The following ANGPT2 variants were observed in gnomAD, a reference collection of about 807,000 sequenced individuals.
ANGPT2 encodes angiopoietin 2, also known as angiopoietin-2.
ANGPT2 carries 28 observed loss-of-function variants against 62.9 expected under a neutral mutation model. That is an observed-to-expected ratio of 0.44 (90% CI 0.33 to 0.61). The LOEUF is 0.61. Among genes scored for constraint, ANGPT2 ranks in the 20% least tolerant of loss-of-function variants. ANGPT2 has a pLI of 0.03. For synonymous variants in ANGPT2, 284 were observed against 207.8 expected (o/e 1.37, Z -3.15); for missense variants, 727 against 594.9 (o/e 1.22, Z -2.31).
At chr8:6,551,416 C>G (rs151034683) in intron 1 of ANGPT2, among the ~76,000 whole-genome samples, 349 of 152,228 alleles carry the variant, frequency 2.3e-3, no homozygotes, top group African/African-American at 8.0e-3. Context: ...TAAAAGTTGT[C>G]CAATTAAAGG....
At chr8:6,550,739 G>C (rs1326006449) in intron 1 of ANGPT2, among the ~76,000 whole-genome samples, 1 of 152,122 alleles carries the variant, frequency 6.6e-6, no homozygotes, top group African/African-American at 2.4e-5. Flanking sequence ...AGAGTTTTGC[G>C]GCCTGTGTAC....
At chr8:6,542,839 T>C (rs1271595080) in intron 1 of ANGPT2, among the ~76,000 whole-genome samples, 2 of 152,144 alleles carry the variant, frequency 1.3e-5, no homozygotes, top group African/African-American at 4.8e-5. Flanking sequence ...TTGGTCACAA[T>C]GACTATCCTA....
At chr8:6,517,492 G>A (rs1816488140) in intron 5 of ANGPT2, among the ~76,000 whole-genome samples, 1 of 152,212 alleles carries the variant, frequency 6.6e-6, no homozygotes, top group African/African-American at 2.4e-5. Context: ...CAAAACTAAA[G>A]CTGCAGTATT....
At chr8:6,562,235 G>C (rs535728998) in intron 1 of ANGPT2, among the ~76,000 whole-genome samples, 7 of 152,210 alleles carry the variant, frequency 4.6e-5, no homozygotes, top group Non-Finnish European at 8.8e-5. Context: ...TCTGGCTCAC[G>C]GGCTGCTGCG....
chr8:6,549,480 A>T (rs1011096158), intron 1 of ANGPT2, among the ~76,000 whole-genome samples: 2 of 152,164 alleles, frequency 1.3e-5, no homozygotes, highest in East Asian at 1.9e-4. Context: ...TGAGGAAGCC[A>T]CGTGCAGGGT....
chr8:6,553,286 A>G (rs1017205156), intron 1 of ANGPT2, among the ~76,000 whole-genome samples: 3 of 152,188 alleles, frequency 2.0e-5, no homozygotes, highest in African/African-American at 7.2e-5. Flanking sequence ...CTTTTAAAAA[A>G]TCATTTACTA....
Position 6,502,915 on chromosome 8 carries a change from C to T in ANGPT2, c.*186G>A. On this transcript the variant is annotated 3_prime_UTR_variant, in exon 9 of 9. Coordinates refer to ENST00000629816, the MANE Select transcript of ANGPT2 (RefSeq NM_001118887.2). ...GGATGTTTAGGGTCTTGCTTTGGTC[C>T]GTTAAGTGATGCAAGTTTAAGTGAT... 5 of 633,234 alleles carry T rather than the reference C, an allele frequency of 7.9e-6. No homozygotes were observed. Among genetic ancestry groups the T allele is most frequent in the South Asian group, 6.6e-5 (3 of 45,310 alleles). 39.2% of individuals were successfully genotyped at this position (633,234 alleles called of 1,614,324 possible). A position where few individuals can be genotyped will look rare whatever the true frequency, so the allele number is the denominator to read the frequency against.
rs1563306516 is a variant in ANGPT2, at chr8:6,505,362, TATATAGAA to T, written c.1328-2109_1328-2102del. Among the ~76,000 whole-genome samples, 67 of 50,802 alleles carry T rather than the reference TATATAGAA, an allele frequency of 1.3e-3. 5 individuals are homozygous for T. Among genetic ancestry groups the T allele is most frequent in the African/African-American group, 4.7e-3 (65 of 13,860 alleles). The allele number at this position is 50,802 out of a possible 152,430, so 33.3% of individuals were successfully genotyped here. A position where few individuals can be genotyped will look rare whatever the true frequency, so the allele number is the denominator to read the frequency against. On this transcript the variant is annotated intron_variant, in intron 8 of 8. Transcript: ENST00000629816. ...AGAATATATATATTCTTTCTATATG[TATATAGAA>T]TATATATATTCTTTCTATATGTATA...
At chr8:6,529,662 A>C (rs1261788924) in intron 2 of ANGPT2, among the ~76,000 whole-genome samples, 1 of 128,452 alleles carries the variant, frequency 7.8e-6, no homozygotes, top group African/African-American at 3.0e-5. Context: ...ATGGGGTTTC[A>C]CCATGTTGCT....
At chr8:6,555,441 T>G (rs1403585975) in intron 1 of ANGPT2, among the ~76,000 whole-genome samples, 1 of 150,270 alleles carries the variant, frequency 6.7e-6, no homozygotes, top group East Asian at 1.9e-4. Flanking sequence ...ATAACATAAT[T>G]TGTTTTACGG....
chr8:6,531,185 C>T lies in ANGPT2; in HGVS notation c.444+1147G>A, dbSNP rs998440018. On this transcript the variant is annotated intron_variant, in intron 2 of 8. Coordinates refer to ENST00000629816, the MANE Select transcript of ANGPT2 (RefSeq NM_001118887.2). ...TTTTCCCTTTCCCACCCAGGCCGTT[C>T]GCTGGGTCACATGTTGTGCATCATT... Among the ~76,000 whole-genome samples the T allele has an allele frequency of 1.1e-4, 17 of 151,534 alleles. 1 individual carries two copies. The highest frequency in any genetic ancestry group is 9.9e-4 in the Admixed American group (15 of 15,216).
At chr8:6,558,497 C>T (rs1262781222) in intron 1 of ANGPT2, among the ~76,000 whole-genome samples, 1 of 152,204 alleles carries the variant, frequency 6.6e-6, no homozygotes, top group African/African-American at 2.4e-5. Flanking sequence ...CATCTGATCA[C>T]CAATGGTAAG....
In ANGPT2 at chr8:6,536,201, A is replaced by G. The variant is rs184112319; in HGVS notation, c.289-3714T>C. On this transcript the variant is annotated intron_variant, in intron 1 of 8. Transcript: ENST00000629816. ...GGAAGAATACTGTATATTTAGCCCC[A>G]GAAACACTAGCGACAGGAACAGCCA... Among the ~76,000 whole-genome samples, 14 of 152,304 alleles carry G rather than the reference A, an allele frequency of 9.2e-5. No individual in the cohort carries two copies. In the East Asian group the frequency reaches 1.7e-3, roughly 19 times the overall value.
In ANGPT2 at chr8:6,513,779, C is replaced by G; in HGVS notation, c.1095G>C (p.Gln365His). The change falls in exon 7 of 9, where the codon CAG becomes CAC. Residue 365 changes from glutamine (Q) to histidine (H), a missense_variant. Transcript: ENST00000629816. The stretch of plus-strand genomic sequence containing the variant: ...GGTGTATTTTAAGCACATAGCGTTG[C>G]TGATTAGTCAGTTGCGAAACAAACT... Reference protein sequence around the residue: ...GNEFVSQLTNQQRYVLKIHLK... With the variant: ...GNEFVSQLTNHQRYVLKIHLK... The G allele has an allele frequency of 6.2e-7, 1 of 1,614,006 alleles. No individual in the cohort carries two copies. Among genetic ancestry groups the G allele is most frequent in the East Asian group, 2.2e-5 (1 of 44,880 alleles).
At chr8:6,540,617 T>G (rs1021836500) in intron 1 of ANGPT2, among the ~76,000 whole-genome samples, 1 of 152,238 alleles carries the variant, frequency 6.6e-6, no homozygotes, top group South Asian at 2.1e-4. Flanking sequence ...TATATAGATA[T>G]ATACACAGCA....
chr8:6,562,970 T>C lies in ANGPT2; in HGVS notation c.-36A>G, dbSNP rs977900363. 2 of 1,549,348 alleles carry C rather than the reference T, an allele frequency of 1.3e-6. No individual in the cohort carries two copies. Among genetic ancestry groups the C allele is most frequent in the Non-Finnish European group, 1.8e-6 (2 of 1,139,882 alleles). On this transcript the variant is annotated 5_prime_UTR_variant, in exon 1 of 9. Transcript: ENST00000629816. ...GTAATAAACCAGCAGCTTAGCAAAC[T>C]TGAGGGCAAACACACGTCCAGAGTC...
At chr8:6,504,746 G>A (rs1812933264) in intron 8 of ANGPT2, among the ~76,000 whole-genome samples, 1 of 152,240 alleles carries the variant, frequency 6.6e-6, no homozygotes, top group East Asian at 1.9e-4. Flanking sequence ...GCAATATGTT[G>A]TATATTATTC....
intron 8 of ANGPT2, among the ~76,000 whole-genome samples, chr8:6,505,262 T>TATG (rs1563305275): frequency 9.0e-4 from 21 of 23,452 alleles, no homozygotes; most frequent in East Asian, 6.1e-3. Flanking sequence ...TATATATGTT[T>TATG]TATATATATG....
intron 1 of ANGPT2, among the ~76,000 whole-genome samples, chr8:6,543,033 T>G (rs867060797): frequency 1.3e-5 from 2 of 152,280 alleles, no homozygotes; most frequent in South Asian, 4.1e-4. Context: ...TGGGAATGCT[T>G]GAGAAATCTC....
Sources: allele counts gnomAD v4.1 joint callset (sites outside exome capture counted in the v4.1 genomes callset), GRCh38; gene constraint gnomAD v4.1.1; transcripts MANE v1.5; gene names NCBI Gene and HGNC (gene_info 2026-07-23, HGNC 2026-07-21).